The following ACOT11 variants were observed in gnomAD, a reference collection of about 807,000 sequenced individuals.
ACOT11 encodes acyl-coenzyme A thioesterase 11.
ACOT11 carries 69 observed loss-of-function variants against 77.5 expected under a neutral mutation model. The ratio of observed to expected loss-of-function variants is 0.89; its 90% CI spans 0.73 to 1.09. The LOEUF (loss-of-function observed/expected upper bound fraction) is 1.09. Ranked by LOEUF, ACOT11 falls within the 50% of genes least tolerant of loss-of-function variation. ACOT11 has a pLI of 0.00. For missense variants in ACOT11, 766 were observed against 813.7 expected, an observed-to-expected ratio of 0.94 and a Z score of 0.71; for synonymous variants, 279 against 313.0, an observed-to-expected ratio of 0.89 and a Z score of 1.15.
At position 54,593,940 on chromosome 1, in the gene ACOT11, G is replaced by C. The variant is rs377602880; in HGVS notation, c.373-1G>C. The C allele has an allele frequency of 5.0e-5, 81 of 1,613,896 alleles. No individual in the cohort carries two copies. Among genetic ancestry groups the C allele is most frequent in the Non-Finnish European group, 6.3e-5 (74 of 1,179,816 alleles). ...CCTTCGCCCTTACTGTTCCTCTCCA[G>C]GTGGGCATCCAGGTGGCCTCGGAGG... On this transcript the variant is annotated splice_acceptor_variant, in intron 4 of 15. Coordinates refer to ENST00000343744, the MANE Select transcript of ACOT11 (RefSeq NM_147161.4). LOFTEE classifies it high-confidence loss of function.
In ACOT11 at chr1:54,629,288, T is replaced by A. The variant is rs1326654035; in HGVS notation, c.1630-1446T>A. On this transcript the variant is annotated intron_variant, in intron 15 of 16. Coordinates refer to the ACOT11 transcript ENST00000371316. ...AAGTAAAATAACATGGTTTTTTTCT[T>A]TTTTGTTTTTTGTTTTGAGATAGAG... Among the ~76,000 whole-genome samples the A allele has an allele frequency of 1.5e-5, 2 of 132,136 alleles. 1 individual carries two copies. Among genetic ancestry groups the A allele is most frequent in the East Asian group, 4.7e-4 (2 of 4,238 alleles). 86.7% of individuals were successfully genotyped at this position (132,136 alleles called of 152,430 possible). A position where few individuals can be genotyped will look rare whatever the true frequency, so the allele number is the denominator to read the frequency against.
At position 54,618,204 on chromosome 1, in the gene ACOT11, T is replaced by TA. The variant is rs201279361; in HGVS notation, c.1629+10143dup. 4.6e-5 allele frequency among the ~76,000 whole-genome samples: 7 copies of TA among 152,174 alleles called. No homozygotes were observed. The South Asian group carries it at 1.2e-3, about 27-fold the overall frequency. On this transcript the variant is annotated intron_variant, in intron 15 of 16. Coordinates refer to the ACOT11 transcript ENST00000371316. ...TCCTGCTCATCCTTTAGTGTTGGCT[T>TA]AAAAAAATCACCTCCTCAGCCGGGC...
Position 54,604,505 on chromosome 1 carries a change from C to T in ACOT11, c.1236+76C>T, listed in dbSNP as rs890412242. The T allele has an allele frequency of 1.5e-5, 19 of 1,299,736 alleles. No homozygotes were observed. The East Asian group carries it at 2.3e-4, about 16-fold the overall frequency. 80.5% of individuals were successfully genotyped at this position (1,299,736 alleles called of 1,614,324 possible). A position where few individuals can be genotyped will look rare whatever the true frequency, so the allele number is the denominator to read the frequency against. ...GCTAATGGCAAGCAACAAGAACTCT[C>T]CCACACCACTTATGTCAAAAAAAGA... is the stretch of plus-strand genomic sequence containing the variant. On this transcript the variant is annotated intron_variant, in intron 12 of 15. Coordinates refer to ENST00000343744, the MANE Select transcript of ACOT11 (RefSeq NM_147161.4).
downstream of ACOT11, among the ~76,000 whole-genome samples, chr1:54,614,449 G>A (rs377271697): frequency 2.0e-5 from 3 of 152,232 alleles, no homozygotes; most frequent in South Asian, 4.1e-4. Flanking sequence ...GGGTTGAGGG[G>A]CCCAGAGGAA....
intron 3 of ACOT11, among the ~76,000 whole-genome samples, chr1:54,586,228 A>C (rs1569715548): frequency 6.6e-6 from 1 of 152,162 alleles, no homozygotes; most frequent in East Asian, 1.9e-4. Flanking sequence ...TCATCTGCAG[A>C]ATGGATGGGG....
chr1:54,594,550 C>T lies in ACOT11; in HGVS notation c.472-6C>T, dbSNP rs772947572. The T allele has an allele frequency of 9.3e-6, 15 of 1,610,462 alleles. No homozygotes were observed. The highest frequency in any genetic ancestry group is 3.3e-5 in the Admixed American group (2 of 59,724). On this transcript the variant is annotated splice_region_variant and splice_polypyrimidine_tract_variant and intron_variant, in intron 5 of 15. Transcript: ENST00000343744. The stretch of plus-strand genomic sequence containing the variant: ...AGTGTCCCCCACCCTGTCCCCTGGC[C>T]GACAGGTGAAGCTGAAGCAGATCAC...
intron 1 of ACOT11, among the ~76,000 whole-genome samples, chr1:54,560,057 G>C (rs1653409826): frequency 6.6e-6 from 1 of 152,224 alleles, no homozygotes; most frequent in South Asian, 2.1e-4. Context: ...GGTTAGAGGT[G>C]ACATTGGGGC....
exon 17 of ACOT11, chr1:54,635,371 A>G (rs568465355): frequency 3.0e-5 from 9 of 295,752 alleles, no homozygotes; most frequent in Non-Finnish European, 5.7e-5. Flanking sequence ...ATTATCTGGA[A>G]CCATGGCGGT....
At chr1:54,582,496 G>C in intron 1 of ACOT11, 1 of 985,436 alleles carries the variant, frequency 1.0e-6, no homozygotes, top group Non-Finnish European at 1.2e-6. Context: ...AGTGAGCAAG[G>C]CACAGGTCCT....
chr1:54,638,774 C>T (rs1000516849), exon 17 of ACOT11: 3 of 152,176 alleles, frequency 2.0e-5, no homozygotes, highest in Non-Finnish European at 4.4e-5. Flanking sequence ...CTTGGATCTC[C>T]CAAAGTGCTG....
chr1:54,593,781 AC>A (rs1321989673), intron 4 of ACOT11, among the ~76,000 whole-genome samples, 159 bp from the exon 5 acceptor site: 1 of 151,724 alleles, frequency 6.6e-6, no homozygotes, highest in Non-Finnish European at 1.5e-5. Context: ...GCAGAGTCAA[AC>A]CCCCCCTCAG....
At chr1:54,558,419 T>G (rs1653346145) in intron 1 of ACOT11, among the ~76,000 whole-genome samples, 1 of 152,164 alleles carries the variant, frequency 6.6e-6, no homozygotes, top group African/African-American at 2.4e-5. Context: ...ACAGGTTAAG[T>G]AAGTTGCCCG....
chr1:54,633,568 G>A (rs1000862636), intron 16 of ACOT11, among the ~76,000 whole-genome samples: 20 of 152,214 alleles, frequency 1.3e-4, no homozygotes, highest in Admixed American at 9.2e-4. Context: ...AGCCTGCTAA[G>A]TGTTATCATT....
intron 1 of ACOT11, among the ~76,000 whole-genome samples, chr1:54,565,793 G>A (rs1653712847): frequency 6.6e-6 from 1 of 152,166 alleles, no homozygotes; most frequent in South Asian, 2.1e-4. Context: ...AGGACCAGAT[G>A]AACCAACCAG....
chr1:54,603,721 T>C, intron 10 of ACOT11, 150 bp from the exon 11 acceptor site: 1 of 737,452 alleles, frequency 1.4e-6, no homozygotes. Flanking sequence ...TGCTGTGTCC[T>C]GTGTGACCAT....
intron 15 of ACOT11, among the ~76,000 whole-genome samples, chr1:54,616,681 AG>A (rs1225686049): frequency 6.6e-6 from 1 of 152,120 alleles, no homozygotes; most frequent in Non-Finnish European, 1.5e-5. Context: ...CCCTATGCAT[AG>A]TTTTTACACA....
intron 7 of ACOT11, 22 bp from the exon 8 acceptor site, chr1:54,599,274 C>G: frequency 6.7e-7 from 1 of 1,485,596 alleles, no homozygotes; most frequent in Non-Finnish European, 9.0e-7. Flanking sequence ...TTCCTTCTGT[C>G]TCCCCACCCC....
intron 1 of ACOT11, among the ~76,000 whole-genome samples, chr1:54,578,250 A>G (rs535805376): frequency 2.0e-5 from 3 of 152,312 alleles, no homozygotes; most frequent in East Asian, 3.9e-4. Context: ...CTAAACAGCA[A>G]TGGCAGGGTC....
intron 1 of ACOT11, among the ~76,000 whole-genome samples, chr1:54,550,114 G>A (rs1653012674): frequency 6.6e-6 from 1 of 152,194 alleles, no homozygotes. Context: ...GATCACACTG[G>A]TAGGAAGTGG....
Sources: gnomAD v4.1 joint callset for allele counts (sites outside exome capture counted in the v4.1 genomes callset) on GRCh38, gnomAD v4.1.1 for gene constraint, MANE v1.5 for transcripts, NCBI Gene and HGNC (gene_info 2026-07-23, HGNC 2026-07-21) for gene names.